Variants in CCDC86 observed in about 807,000 individuals in gnomAD.
CCDC86 encodes the protein coiled-coil domain containing 86.
In CCDC86, 28 loss-of-function variants were observed where a neutral mutation model predicts 36.7. That is an observed-to-expected ratio of 0.76 (90% CI 0.57 to 1.05). The LOEUF (loss-of-function observed/expected upper bound fraction) is 1.05. Ranked by LOEUF, CCDC86 falls within the 50% of genes least tolerant of loss-of-function variation. The pLI is 0.00. For missense variants in CCDC86, 453 were observed against 470.2 expected, an observed-to-expected ratio of 0.96 and a Z score of 0.34; for synonymous variants, 199 against 203.4, an observed-to-expected ratio of 0.98 and a Z score of 0.18.
At chr11:60,847,063 G>GA (rs1855193579) in intron 1 of CCDC86, among the ~76,000 whole-genome samples, 1 of 151,442 alleles carries the variant, frequency 6.6e-6, no homozygotes, top group African/African-American at 2.4e-5. Context: ...ACTGGGGGAA[G>GA]AGATTCTTTT....
chr11:60,849,143 AGCTGACGTCCCCACCCTGGCCTT>A (rs1480212846), intron 2 of CCDC86, among the ~76,000 whole-genome samples: 1 of 152,122 alleles, frequency 6.6e-6, no homozygotes, highest in Non-Finnish European at 1.5e-5. Flanking sequence ...GCAGCCTTGG[AGCTGACGTCCCCACCCTGGCCTT>A]GCTGAGGGAC....
chr11:60,850,015 G>A lies in CCDC86; in HGVS notation c.963+1G>A. On this transcript the variant is annotated splice_donor_variant, in intron 3 of 3. Coordinates refer to ENST00000227520, the MANE Select transcript of CCDC86 (RefSeq NM_024098.4). LOFTEE classifies it high-confidence loss of function. ...GCGGAAGGCAGAGGTCGTCCAAGTGGTGAGTGTCTCGTTTTCCCCCTCTGC... is the reference window on the plus strand; with the variant it reads ...GCGGAAGGCAGAGGTCGTCCAAGTGATGAGTGTCTCGTTTTCCCCCTCTGC... The A allele has an allele frequency of 6.2e-7, 1 of 1,614,122 alleles. No individual in the cohort carries two copies. The highest frequency in any genetic ancestry group is 8.5e-7 in the Non-Finnish European group (1 of 1,179,994).
At chr11:60,844,733 G>C (rs927569590) in intron 1 of CCDC86, among the ~76,000 whole-genome samples, 2 of 152,198 alleles carry the variant, frequency 1.3e-5, no homozygotes, top group Non-Finnish European at 1.5e-5. Flanking sequence ...TAAACCGGAG[G>C]CTCCGTGAGA....
intron 1 of CCDC86, 107 bp from the exon 2 acceptor site, chr11:60,847,817 T>C: frequency 4.3e-6 from 6 of 1,410,480 alleles, no homozygotes; most frequent in Non-Finnish European, 5.7e-6. Flanking sequence ...GAGGTGGTTC[T>C]GCCTGGGCTC....
At chr11:60,845,098 C>T (rs1455318277) in intron 1 of CCDC86, among the ~76,000 whole-genome samples, 1 of 152,152 alleles carries the variant, frequency 6.6e-6, no homozygotes, top group African/African-American at 2.4e-5. Context: ...CAGAGGGAGC[C>T]GGGCAGAGAT....
At position 60,846,620 on chromosome 11, in the gene CCDC86, G is replaced by A. The variant is rs566648795; in HGVS notation, c.759-1304G>A. Among the ~76,000 whole-genome samples, 155 of 151,832 alleles carry A rather than the reference G, an allele frequency of 1.0e-3. 1 individual carries two copies. Among genetic ancestry groups the A allele is most frequent in the African/African-American group, 3.5e-3 (145 of 41,416 alleles). On this transcript the variant is annotated intron_variant, in intron 1 of 3. Coordinates refer to ENST00000227520, the MANE Select transcript of CCDC86 (RefSeq NM_024098.4). ...ACGGAGTTTCATTCTTGTTGCCCAG[G>A]CCAGAGTGCAATGGAGCAATCTCGG...
In CCDC86 at chr11:60,842,640, G is replaced by A. The variant is rs1477791728; in HGVS notation, c.516G>A (p.Pro172=). Residue 172 remains proline, a synonymous_variant, in exon 1 of 4, where the codon CCG becomes CCA. Coordinates refer to ENST00000227520, the MANE Select transcript of CCDC86 (RefSeq NM_024098.4). ...ACCCCGGTCAGCAAGCTCCCGGTCC[G>A]GAGCCCTCTCAGCCACTACTGGAGC... is the stretch of plus-strand genomic sequence containing the variant. ...EPYPGQQAPG[P]EPSQPLLELT... The A allele has an allele frequency of 1.9e-6, 3 of 1,613,718 alleles. No individual in the cohort carries two copies. Among genetic ancestry groups the A allele is most frequent in the Non-Finnish European group, 2.5e-6 (3 of 1,180,006 alleles).
chr11:60,847,878 G>A, intron 1 of CCDC86, 46 bp from the exon 2 acceptor site: 1 of 1,564,072 alleles, frequency 6.4e-7, no homozygotes, highest in Non-Finnish European at 8.7e-7. Context: ...GGCATGGGTG[G>A]CGCTTGCCCC....
At position 60,850,617 on chromosome 11, in the gene CCDC86, C is replaced by G. The variant is rs763223324; in HGVS notation, c.*292C>G. On this transcript the variant is annotated 3_prime_UTR_variant, in exon 4 of 4. Transcript: ENST00000227520. ...GCCTTCAAACCAAGAACTGTACATT[C>G]TTCTGGTTCCTCAGTGAGCTGGTGA... 5.0e-4 allele frequency: 191 copies of G among 385,030 alleles called. No individual in the cohort carries two copies. Among genetic ancestry groups the G allele is most frequent in the Non-Finnish European group, 8.2e-4 (173 of 212,216 alleles). 23.9% of individuals were successfully genotyped at this position (385,030 alleles called of 1,614,324 possible). A position where few individuals can be genotyped will look rare whatever the true frequency, so the allele number is the denominator to read the frequency against.
At chr11:60,843,024 A>C in intron 1 of CCDC86, 142 bp downstream of exon 1, 12 of 1,136,376 alleles carry the variant, frequency 1.1e-5, no homozygotes, top group African/African-American at 1.6e-5. Context: ...GGTAATTACA[A>C]TCAGAATGTG....
In CCDC86 at chr11:60,842,725, G is replaced by A; in HGVS notation, c.601G>A (p.Ala201Thr). ...GCATGAGCCGAGCAAGCCACCTCCA[G>A]CTGGGGAGACGGTGACAGGCGGCTT... ...GQHEPSKPPP[A>T]GETVTGGFGA... The change falls in exon 1 of 4, where the codon GCT becomes ACT. Residue 201 changes from alanine to threonine, a missense_variant. Physicochemically the swap from Ala to Thr is moderately conservative, Grantham distance 58. Transcript: ENST00000227520. 2 of 1,613,770 alleles carry A rather than the reference G, an allele frequency of 1.2e-6. No homozygotes were observed. The highest frequency in any genetic ancestry group is 2.2e-5 in the East Asian group (1 of 44,874).
Position 60,842,177 on chromosome 11 carries a change from C to A in CCDC86, c.53C>A (p.Ser18Tyr), listed in dbSNP as rs566262470. ...SRRLGGLRPE[S>Y]PESLTSVSRT... ...CGGCTGGGAGGCCTAAGGCCCGAAT[C>A]CCCCGAGAGCCTCACCTCAGTTTCG... Residue 18 changes from serine to tyrosine, a missense_variant, in exon 1 of 4, where the codon TCC becomes TAC. By Grantham distance (144) the Ser-to-Tyr change is moderately radical. Transcript: ENST00000227520. 1.2e-6 allele frequency: 2 copies of A among 1,610,046 alleles called. No homozygotes were observed. Among genetic ancestry groups the A allele is most frequent in the African/African-American group, 2.7e-5 (2 of 74,780 alleles).
At position 60,842,471 on chromosome 11, in the gene CCDC86, G is replaced by A. The variant is rs1465079974; in HGVS notation, c.347G>A (p.Cys116Tyr). The change falls in exon 1 of 4, where the codon TGT becomes TAT. Residue 116 changes from cysteine to tyrosine, a missense_variant. By Grantham distance (194) the Cys-to-Tyr change is radical. Coordinates refer to ENST00000227520, the MANE Select transcript of CCDC86 (RefSeq NM_024098.4). ...QPEYSPESPR[C>Y]QPKPSEEAPK... ...GAGTACAGTCCTGAATCCCCACGAT[G>A]TCAGCCGAAGCCAAGTGAGGAGGCA... 1 of 1,613,800 alleles carries A rather than the reference G, an allele frequency of 6.2e-7. No individual in the cohort carries two copies. The highest frequency in any genetic ancestry group is 8.5e-7 in the Non-Finnish European group (1 of 1,179,866).
chr11:60,848,045 C>T lies in CCDC86; in HGVS notation c.880C>T (p.Arg294Cys), dbSNP rs201093620. 125 of 1,612,560 alleles carry T rather than the reference C, an allele frequency of 7.8e-5. No homozygotes were observed. The highest frequency in any genetic ancestry group is 1.9e-4 in the South Asian group (17 of 90,966). ...TCACCTGGAGGAGGAGAAGGAGAGGCGCCGCCAGGTGAGGGGCCAGCCAGG... is the reference window on the plus strand; with the variant it reads ...TCACCTGGAGGAGGAGAAGGAGAGGTGCCGCCAGGTGAGGGGCCAGCCAGG... The part of the protein sequence containing the change: ...ARHLEEEKER[R>C]RQEKKQRRAE... The change falls in exon 2 of 4, where the codon CGC becomes TGC. Residue 294 changes from arginine (R) to cysteine (C), a missense_variant. Physicochemically the swap from Arg to Cys is radical, Grantham distance 180. Coordinates refer to ENST00000227520, the MANE Select transcript of CCDC86 (RefSeq NM_024098.4).
Position 60,842,893 on chromosome 11 carries a change from G to A in CCDC86, c.758+11G>A. 1 of 1,546,526 alleles carries A rather than the reference G, an allele frequency of 6.5e-7. No individual in the cohort carries two copies. Among genetic ancestry groups the A allele is most frequent in the Non-Finnish European group, 8.7e-7 (1 of 1,145,848 alleles). ...CCGCTCCAAGAAAAGGTGAAGTGGGGGACAGCATGGACAGGGGTGGCGTTC... is the reference window on the plus strand; with the variant it reads ...CCGCTCCAAGAAAAGGTGAAGTGGGAGACAGCATGGACAGGGGTGGCGTTC... On this transcript the variant is annotated intron_variant, in intron 1 of 3. Transcript: ENST00000227520.
In CCDC86 at chr11:60,842,589, G is replaced by A. The variant is rs763530689; in HGVS notation, c.465G>A (p.Pro155=). The A allele has an allele frequency of 5.6e-6, 9 of 1,613,242 alleles. No individual in the cohort carries two copies. In the South Asian group the frequency reaches 8.8e-5, roughly 16 times the overall value. The change falls in exon 1 of 4, where the codon CCG becomes CCA. Residue 155 remains proline (P), a synonymous_variant. Transcript: ENST00000227520. ...CGGGGGCCCCCCAGCATCAGCTACCGCCGGTCCCAGGATCACCAGAGCCTT... is the reference window on the plus strand; with the variant it reads ...CGGGGGCCCCCCAGCATCAGCTACCACCGGTCCCAGGATCACCAGAGCCTT... ...LTPGAPQHQL[P]PVPGSPEPYP...
rs750630774 is a variant in CCDC86, at chr11:60,850,020, T to C, written c.963+6T>C. The C allele has an allele frequency of 2.7e-5, 44 of 1,613,780 alleles. No homozygotes were observed. Among genetic ancestry groups the C allele is most frequent in the Admixed American group, 8.3e-5 (5 of 59,976 alleles). ...AGGCAGAGGTCGTCCAAGTGGTGAG[T>C]GTCTCGTTTTCCCCCTCTGCCCTTC... On this transcript the variant is annotated splice_donor_region_variant and intron_variant, in intron 3 of 3. Coordinates refer to ENST00000227520, the MANE Select transcript of CCDC86 (RefSeq NM_024098.4).
At position 60,850,510 on chromosome 11, in the gene CCDC86, C is replaced by A. The variant is rs747024962; in HGVS notation, c.*185C>A. ...CAGGCAGGTCTGTGTGGGACAGAAG[C>A]CCAGAGGGGGCCTGGGACCTGGCAG... On this transcript the variant is annotated 3_prime_UTR_variant, in exon 4 of 4. Transcript: ENST00000227520. 1.5e-6 allele frequency: 1 copy of A among 654,736 alleles called. No homozygotes were observed. Among genetic ancestry groups the A allele is most frequent in the Non-Finnish European group, 2.4e-6 (1 of 420,672 alleles). 40.6% of individuals were successfully genotyped at this position (654,736 alleles called of 1,614,324 possible).
chr11:60,844,334 G>C (rs189012759), intron 1 of CCDC86, among the ~76,000 whole-genome samples: 1 of 152,202 alleles, frequency 6.6e-6, no homozygotes, highest in African/African-American at 2.4e-5. Context: ...CTGCAGACCC[G>C]TCCTGACTCA....
Sources: allele counts gnomAD v4.1 joint callset (sites outside exome capture counted in the v4.1 genomes callset), GRCh38; gene constraint gnomAD v4.1.1; transcripts MANE v1.5; gene names NCBI Gene and HGNC (gene_info 2026-07-23, HGNC 2026-07-21).